Variants in RUFY1 observed in about 807,000 individuals in gnomAD.
The protein encoded by RUFY1 is RUN and FYVE domain containing 1, also known as RUN and FYVE domain-containing protein 1.
Under a neutral mutation model 94.6 loss-of-function variants are expected in RUFY1, and 54 were observed. That is an observed-to-expected ratio of 0.57 (90% CI 0.46 to 0.72). The LOEUF (loss-of-function observed/expected upper bound fraction) is 0.72, where lower values mean the gene tolerates loss of function less well. Among genes scored for constraint, RUFY1 ranks in the 30% least tolerant of loss-of-function variants. The probability of loss-of-function intolerance (pLI) is 0.00; values close to 1 mark genes in which losing one functional copy is unlikely to be tolerated. For synonymous variants in RUFY1, 396 were observed against 347.3 expected (o/e 1.14, Z -1.56); for missense variants, 883 against 883.9 (o/e 1.00, Z 0.01).
rs752819518 is a variant in RUFY1, at chr5:179,598,727, A to G, written c.1667A>G (p.Glu556Gly). The G allele has an allele frequency of 6.2e-7, 1 of 1,614,198 alleles. No individual in the cohort carries two copies. Among genetic ancestry groups the G allele is most frequent in the Non-Finnish European group, 8.5e-7 (1 of 1,180,016 alleles). ...GAGAAAGAATTGAAATCAGAAAAAGAGCAAAGACAGGCTCTTCAGCGCGAA... is the reference window on the plus strand; with the variant it reads ...GAGAAAGAATTGAAATCAGAAAAAGGGCAAAGACAGGCTCTTCAGCGCGAA... ...SLEKELKSEK[E>G]QRQALQRELQ... Residue 556 changes from glutamate to glycine, a missense_variant, in exon 14 of 18, where the codon GAG becomes GGG. Coordinates refer to ENST00000319449, the MANE Select transcript of RUFY1 (RefSeq NM_025158.5).
intron 15 of RUFY1, 44 bp from the exon 16 acceptor site, chr5:179,605,832 C>G: frequency 2.4e-4 from 285 of 1,197,868 alleles, no homozygotes; most frequent in Middle Eastern, 3.8e-4. Flanking sequence ...TTCAGAGCCT[C>G]ACTCTCTCTC....
intron 10 of RUFY1, among the ~76,000 whole-genome samples, chr5:179,591,971 A>C (rs948045054): frequency 6.6e-6 from 1 of 151,974 alleles, no homozygotes; most frequent in Non-Finnish European, 1.5e-5. Context: ...TTCAAGACGG[A>C]GTCTCACTCT....
chr5:179,597,828 A>G (rs1239713987), intron 13 of RUFY1, among the ~76,000 whole-genome samples: 1 of 152,204 alleles, frequency 6.6e-6, no homozygotes, highest in Non-Finnish European at 1.5e-5. Context: ...AGTCAGCTTC[A>G]GGCTGAGGCT....
intron 1 of RUFY1, 54 bp downstream of exon 1, chr5:179,550,933 C>T (rs1761805283): frequency 1.9e-6 from 2 of 1,030,086 alleles, no homozygotes; most frequent in African/African-American, 1.7e-5. Flanking sequence ...CCGCTGGCCG[C>T]CGGCGCGGGC....
chr5:179,589,663 A>T lies in RUFY1; in HGVS notation c.1128+16A>T, dbSNP rs6895677. The T allele has an allele frequency of 0.25, 380,596 of 1,546,158 alleles. 54,373 individuals carry two copies. The highest frequency in any genetic ancestry group is 0.62 in the East Asian group (27,702 of 44,528). On this transcript the variant is annotated intron_variant, in intron 9 of 17. Transcript: ENST00000319449. ...GAGTGTAGAGGTGAGAAATTGACCT[A>T]CATTTGGGCAGCATGTTTCTCACTC...
intron 6 of RUFY1, among the ~76,000 whole-genome samples, 183 bp downstream of exon 6, chr5:179,577,319 G>C (rs1190553887): frequency 6.6e-6 from 1 of 150,850 alleles, no homozygotes; most frequent in Non-Finnish European, 1.5e-5. Flanking sequence ...CTACAGGTGC[G>C]CCCCACCATG....
intron 5 of RUFY1, among the ~76,000 whole-genome samples, chr5:179,573,824 CT>C (rs964080520): frequency 2.6e-5 from 4 of 151,992 alleles, no homozygotes; most frequent in African/African-American, 9.7e-5. Context: ...GCCCGGCCTA[CT>C]TTGTGATTTT....
chr5:179,597,754 A>G (rs948868385), intron 13 of RUFY1, among the ~76,000 whole-genome samples: 1 of 152,136 alleles, frequency 6.6e-6, no homozygotes. Context: ...TATTCCCACA[A>G]AGAGAGAGCA....
chr5:179,569,641 A>G (rs1763074801), intron 5 of RUFY1, among the ~76,000 whole-genome samples: 1 of 152,096 alleles, frequency 6.6e-6, no homozygotes, highest in Admixed American at 6.6e-5. Context: ...GAACAGGCAG[A>G]CAGCTCTCCA....
At chr5:179,594,454 T>C (rs1190185294) in intron 11 of RUFY1, among the ~76,000 whole-genome samples, 1 of 148,950 alleles carries the variant, frequency 6.7e-6, no homozygotes, top group Non-Finnish European at 1.5e-5. Context: ...GAACCAATCA[T>C]GCCAGATTTT....
At chr5:179,603,741 G>A (rs1028039281) in intron 15 of RUFY1, 21 of 152,246 alleles carry the variant, frequency 1.4e-4, no homozygotes, top group African/African-American at 4.8e-4. Flanking sequence ...CCTCGAAACT[G>A]TGGTTGGTCT....
At chr5:179,559,719 G>C in intron 1 of RUFY1, 1 of 1,077,758 alleles carries the variant, frequency 9.3e-7, no homozygotes, top group African/African-American at 1.7e-5. Flanking sequence ...TGCGGGAGAA[G>C]CCAAACGCGG....
At chr5:179,552,158 C>CT (rs1434011904) in intron 1 of RUFY1, among the ~76,000 whole-genome samples, 1 of 39,058 alleles carries the variant, frequency 2.6e-5, no homozygotes, top group Admixed American at 5.6e-4. Flanking sequence ...GAGCGAGACT[C>CT]TGTCTCAAAA....
intron 6 of RUFY1, among the ~76,000 whole-genome samples, 175 bp downstream of exon 6, chr5:179,577,311 A>G (rs1428938823): frequency 2.6e-5 from 4 of 151,084 alleles, no homozygotes; most frequent in African/African-American, 7.3e-5. Context: ...AGCTGGGACT[A>G]CAGGTGCGCC....
intron 9 of RUFY1, 66 bp downstream of exon 9, chr5:179,589,713 G>C (rs1352420650): frequency 6.6e-6 from 8 of 1,220,466 alleles, no homozygotes; most frequent in East Asian, 4.7e-5. Context: ...TCAATCTCAA[G>C]CTCATGGCTT....
intron 15 of RUFY1, among the ~76,000 whole-genome samples, chr5:179,604,501 G>A (rs747214598): frequency 1.3e-5 from 2 of 152,096 alleles, no homozygotes; most frequent in Non-Finnish European, 2.9e-5. Context: ...TTCTGCAGCC[G>A]GACCAGGAAG....
chr5:179,608,198 T>C (rs1173651885), intron 17 of RUFY1: 1 of 669,600 alleles, frequency 1.5e-6, no homozygotes, highest in African/African-American at 2.0e-5. Flanking sequence ...AAGAGTTGGG[T>C]ATAAGCAAAA....
chr5:179,598,775 C>T lies in RUFY1; in HGVS notation c.1715C>T (p.Ser572Phe), dbSNP rs1765965613. ...QRELQHEKDT[S>F]SLLRMELQQV... Reference sequence around the variant, plus strand: ...GAATTACAGCACGAGAAAGACACTTCCTCTCTACTCAGGATGGAGCTGCAA... The same window carrying T: ...GAATTACAGCACGAGAAAGACACTTTCTCTCTACTCAGGATGGAGCTGCAA... The change falls in exon 14 of 18, where the codon TCC (serine) becomes TTC (phenylalanine). Residue 572 changes from serine (S) to phenylalanine (F), a missense_variant. Physicochemically the swap from Ser to Phe is radical, Grantham distance 155. Transcript: ENST00000319449. 1.2e-6 allele frequency: 2 copies of T among 1,614,066 alleles called. No individual in the cohort carries two copies.
At chr5:179,554,666 A>G (rs1762022698) in intron 1 of RUFY1, among the ~76,000 whole-genome samples, 1 of 151,504 alleles carries the variant, frequency 6.6e-6, no homozygotes, top group Non-Finnish European at 1.5e-5. Flanking sequence ...TTAAAAATCA[A>G]ACCATACAAA....
Sources: gnomAD v4.1 joint callset for allele counts (sites outside exome capture counted in the v4.1 genomes callset) on GRCh38, gnomAD v4.1.1 for gene constraint, MANE v1.5 for transcripts, NCBI Gene and HGNC (gene_info 2026-07-23, HGNC 2026-07-21) for gene names.